Variants in TBL1X observed in about 807,000 individuals in gnomAD.
The protein encoded by TBL1X is F-box-like/WD repeat-containing protein TBL1X.
A neutral mutation model predicts 50.7 loss-of-function variants in TBL1X; 10 were observed. That is an observed-to-expected ratio of 0.20 (90% confidence interval 0.12 to 0.33). The LOEUF is 0.33. TBL1X is among the 10% of genes least tolerant of loss of function. The pLI is 1.00. For synonymous variants in TBL1X, 190 were observed against 214.7 expected (o/e 0.88, Z 1.01); for missense variants, 340 against 504.4 (o/e 0.67, Z 3.12).
At chrX:9,707,563 G>A (rs943332209) in intron 13 of TBL1X, among the ~76,000 whole-genome samples, 1 of 112,166 alleles carries the variant, frequency 8.9e-6, no homozygotes, top group Non-Finnish European at 1.9e-5. Flanking sequence ...CCCAGGAACC[G>A]GGGCTTGCAT....
intron 2 of TBL1X, among the ~76,000 whole-genome samples, chrX:9,556,235 G>C (rs757102756): frequency 9.1e-6 from 1 of 110,051 alleles, no homozygotes; most frequent in South Asian, 3.9e-4. Context: ...AAAGTGTTCA[G>C]TGCCGTCAGA....
chrX:9,493,537 G>A (rs770210496), intron 1 of TBL1X, among the ~76,000 whole-genome samples: 78 of 111,372 alleles, frequency 7.0e-4, no homozygotes, highest in African/African-American at 2.4e-3. Context: ...TGAGGCGGGC[G>A]GATTGCTTGG....
chrX:9,700,839 T>C (rs532818875), intron 12 of TBL1X, among the ~76,000 whole-genome samples: 17 of 112,002 alleles, frequency 1.5e-4, no homozygotes, highest in South Asian at 3.7e-4. Flanking sequence ...GAATGAACTA[T>C]TGATGCACGA....
chrX:9,635,581 TCAGA>T (rs749686411), intron 2 of TBL1X, among the ~76,000 whole-genome samples: 1 of 112,176 alleles, frequency 8.9e-6, no homozygotes, highest in South Asian at 3.7e-4. Flanking sequence ...CATGAGCTTG[TCAGA>T]CAGACAGTGC....
rs1224350987 is a variant in TBL1X at position 9,579,740 on chromosome X, A to T, written c.-130-60533A>T. Reference sequence around the variant, plus strand: ...ATTGGGTGGTTTGAGGGTGAATGCTATTTTACAACTTGTGACCCCCTTGAC... The same window carrying T: ...ATTGGGTGGTTTGAGGGTGAATGCTTTTTTACAACTTGTGACCCCCTTGAC... On this transcript the variant is annotated intron_variant, in intron 2 of 17. Transcript: ENST00000645353. Among the ~76,000 whole-genome samples, 3 of 110,773 alleles carry T rather than the reference A, an allele frequency of 2.7e-5. No homozygotes were observed. The Admixed American group carries it at 2.9e-4, about 11-fold the overall frequency.
At chrX:9,463,892 GAAAAAC>G (rs59169859), upstream of TBL1X, among the ~76,000 whole-genome samples, 3 of 105,664 alleles carry the variant, frequency 2.8e-5, no homozygotes, top group Admixed American at 1.0e-4. Context: ...AGACTCCTCA[GAAAAAC>G]AAAAACAAAA....
rs182010509 is a variant in TBL1X, at chrX:9,689,124, C to G, written c.616+849C>G. ...CGTGTGTGTGCGCACGCACGCACAC[C>G]TGTGCATGGTGTAGTGTATGTGTGT... On this transcript the variant is annotated intron_variant, in intron 7 of 17. Coordinates refer to ENST00000645353, the MANE Select transcript of TBL1X (RefSeq NM_005647.4). Among the ~76,000 whole-genome samples, 220 of 113,412 alleles carry G rather than the reference C, an allele frequency of 1.9e-3. 3 individuals are homozygous for G. Among genetic ancestry groups the G allele is most frequent in the Non-Finnish European group, 2.6e-3 (139 of 53,331 alleles).
intron 3 of TBL1X, 82 bp from the exon 4 acceptor site, chrX:9,653,450 ACCAGAAGTCTTAG>A: frequency 1.9e-6 from 1 of 533,639 alleles, no homozygotes; most frequent in South Asian, 3.4e-5. Context: ...CCTTCTGGGC[ACCAGAAGTCTTAG>A]CCAGACGGAT....
At chrX:9,709,137 A>G (rs112931817) in intron 13 of TBL1X, 111 bp from the exon 14 acceptor site, 25 of 722,331 alleles carry the variant, frequency 3.5e-5, no homozygotes, top group Non-Finnish European at 4.5e-5. Context: ...GTCAGGCTGA[A>G]GCCGAAGACC....
intron 2 of TBL1X, among the ~76,000 whole-genome samples, chrX:9,541,725 C>T (rs1381352994): frequency 9.0e-6 from 1 of 111,378 alleles, no homozygotes; most frequent in African/African-American, 3.3e-5. Flanking sequence ...TCCATGTGCC[C>T]ACCTCCAGGT....
chrX:9,615,824 G>A (rs781651638), intron 2 of TBL1X, among the ~76,000 whole-genome samples: 1 of 112,028 alleles, frequency 8.9e-6, no homozygotes, highest in South Asian at 3.8e-4. Flanking sequence ...TTTTTGCACA[G>A]GGAAGGCCTT....
intron 2 of TBL1X, among the ~76,000 whole-genome samples, chrX:9,594,790 A>G (rs1262861583): frequency 2.7e-5 from 3 of 111,923 alleles, no homozygotes; most frequent in Non-Finnish European, 3.8e-5. Context: ...CCTGATTTAG[A>G]AGAGGAGAGA....
intron 1 of TBL1X, among the ~76,000 whole-genome samples, chrX:9,496,380 C>T (rs1323052858): frequency 8.9e-6 from 1 of 112,696 alleles, no homozygotes; most frequent in Non-Finnish European, 1.9e-5. Context: ...GAGGCATCTC[C>T]AAAGGAGCAT....
At chrX:9,541,949 T>C (rs1478512051) in intron 2 of TBL1X, among the ~76,000 whole-genome samples, 4 of 110,163 alleles carry the variant, frequency 3.6e-5, no homozygotes, top group Admixed American at 9.7e-5. Context: ...TTTCTTTTTT[T>C]TTTTTTTTAA....
At chrX:9,552,557 A>G (rs2028053) in intron 2 of TBL1X, among the ~76,000 whole-genome samples, 42,797 of 110,385 alleles carry the variant, frequency 0.39, 6,313 homozygotes, top group Admixed American at 0.51. Flanking sequence ...TTGTGAGTAC[A>G]GAGTCCTAAA....
At chrX:9,671,527 A>C (rs2082960418) in intron 5 of TBL1X, among the ~76,000 whole-genome samples, 1 of 113,402 alleles carries the variant, frequency 8.8e-6, no homozygotes, top group Non-Finnish European at 1.9e-5. Context: ...TGGTGCATTT[A>C]TGCATTTGTT....
chrX:9,676,150 G>C (rs1026266879), intron 5 of TBL1X, among the ~76,000 whole-genome samples: 10 of 112,204 alleles, frequency 8.9e-5, no homozygotes, highest in African/African-American at 2.6e-4. Context: ...ATTGAATCCA[G>C]AATTCATGAG....
intron 2 of TBL1X, among the ~76,000 whole-genome samples, chrX:9,612,583 AG>A (rs1235655055): frequency 8.9e-6 from 1 of 112,091 alleles, no homozygotes; most frequent in Non-Finnish European, 1.9e-5. Flanking sequence ...CATTTCTACA[AG>A]CGATTCCTAT....
chrX:9,549,203 G>C (rs1432085764), intron 2 of TBL1X, among the ~76,000 whole-genome samples: 1 of 112,272 alleles, frequency 8.9e-6, no homozygotes, highest in Non-Finnish European at 1.9e-5. Flanking sequence ...CCCAGGCCTG[G>C]AGCTGGGTCA....
Sources: gnomAD v4.1 joint callset for allele counts (sites outside exome capture counted in the v4.1 genomes callset) on GRCh38, gnomAD v4.1.1 for gene constraint, MANE v1.5 for transcripts, NCBI Gene and HGNC (gene_info 2026-07-23, HGNC 2026-07-21) for gene names.